NUP93: variants seen among roughly 807,000 people sequenced by gnomAD.
NUP93 encodes nucleoporin 93.
A neutral mutation model predicts 107.8 loss-of-function variants in NUP93; 55 were observed. The ratio of observed to expected loss-of-function variants is 0.51; its 90% CI spans 0.41 to 0.64. The LOEUF (loss-of-function observed/expected upper bound fraction) is 0.64, where lower values mean the gene tolerates loss of function less well. Among genes scored for constraint, NUP93 ranks in the 30% least tolerant of loss-of-function variants. The pLI is 0.00. For synonymous variants in NUP93, 390 were observed against 397.5 expected (o/e 0.98, Z 0.22); for missense variants, 937 against 1,044.7 (o/e 0.90, Z 1.42).
At chr16:56,815,298 G>T (rs185931691) in intron 5 of NUP93, among the ~76,000 whole-genome samples, 8 of 152,260 alleles carry the variant, frequency 5.3e-5, no homozygotes, top group Admixed American at 5.2e-4. Flanking sequence ...CCTGTAAAAA[G>T]ACTGTGGAAT....
intron 21 of NUP93, among the ~76,000 whole-genome samples, chr16:56,844,295 C>T (rs979138877): frequency 6.6e-6 from 1 of 152,002 alleles, no homozygotes; most frequent in Non-Finnish European, 1.5e-5. Context: ...ACAGAGGCCT[C>T]GGGGGACGAG....
intron 4 of NUP93, among the ~76,000 whole-genome samples, chr16:56,800,830 A>G (rs1405942279): frequency 1.3e-5 from 2 of 152,240 alleles, no homozygotes; most frequent in African/African-American, 4.8e-5. Context: ...GCAACAGTGC[A>G]GTAATAAACG....
chr16:56,834,551 G>A lies in NUP93; in HGVS notation c.1737+109G>A, dbSNP rs1418335227. On this transcript the variant is annotated intron_variant, in intron 15 of 21. Coordinates refer to ENST00000308159, the MANE Select transcript of NUP93 (RefSeq NM_014669.5). ...TATGGTTGTGGTGGATAAGGCCTAG[G>A]GAGTTTTTGGAGTTTCTTTGGTTTC... 1.1e-5 allele frequency: 13 copies of A among 1,194,536 alleles called. No homozygotes were observed. In the East Asian group the frequency reaches 2.9e-4, roughly 27 times the overall value. The allele number at this position is 1,194,536 out of a possible 1,614,324, so 74.0% of individuals were successfully genotyped here. A position where few individuals can be genotyped will look rare whatever the true frequency, so the allele number is the denominator to read the frequency against.
intron 8 of NUP93, among the ~76,000 whole-genome samples, chr16:56,824,594 A>G (rs888940721): frequency 6.6e-6 from 1 of 152,240 alleles, no homozygotes; most frequent in African/African-American, 2.4e-5. Context: ...AGTTGAATAC[A>G]CTTGCTAAAT....
chr16:56,811,932 A>T (rs1963324277), intron 5 of NUP93, among the ~76,000 whole-genome samples: 1 of 152,192 alleles, frequency 6.6e-6, no homozygotes, highest in African/African-American at 2.4e-5. Context: ...CAATCATTTT[A>T]ATATGGATCC....
intron 3 of NUP93, among the ~76,000 whole-genome samples, chr16:56,791,354 T>C (rs146873466): frequency 4.0e-4 from 61 of 152,364 alleles, no homozygotes; most frequent in African/African-American, 1.4e-3. Flanking sequence ...CAATCACTTA[T>C]CTGCTATAGG....
intron 4 of NUP93, among the ~76,000 whole-genome samples, chr16:56,805,120 C>T (rs1483382005): frequency 8.6e-5 from 13 of 151,960 alleles, no homozygotes; most frequent in African/African-American, 2.9e-4. Flanking sequence ...TGCAATGTTG[C>T]GATCACAGCT....
At chr16:56,733,526 G>A (rs1961566440) in intron 1 of NUP93, among the ~76,000 whole-genome samples, 1 of 152,146 alleles carries the variant, frequency 6.6e-6, no homozygotes, top group South Asian at 2.1e-4. Context: ...ATTGTTTTAC[G>A]AAAAGAGACT....
chr16:56,829,701 G>A (rs1447796193), intron 9 of NUP93, among the ~76,000 whole-genome samples: 2 of 152,192 alleles, frequency 1.3e-5, no homozygotes, highest in African/African-American at 2.4e-5. Context: ...ATGCATGGAG[G>A]CAGGAGAGAG....
chr16:56,808,713 A>G (rs1031397129), intron 5 of NUP93, among the ~76,000 whole-genome samples: 12 of 34,572 alleles, frequency 3.5e-4, no homozygotes, highest in Non-Finnish European at 3.0e-4. Context: ...AAATACATAT[A>G]TAAATATATA....
At chr16:56,794,690 A>C (rs1262549170) in intron 3 of NUP93, among the ~76,000 whole-genome samples, 1 of 151,916 alleles carries the variant, frequency 6.6e-6, no homozygotes, top group Non-Finnish European at 1.5e-5. Context: ...GCACTTTGGG[A>C]GGCCGAGGCG....
At chr16:56,740,804 A>C (rs1961721880) in intron 1 of NUP93, 1 of 161,144 alleles carries the variant, frequency 6.2e-6, no homozygotes, top group African/African-American at 2.4e-5. Context: ...TTGGCGGATC[A>C]CTCGCGGTTA....
chr16:56,840,684 T>C (rs1424045100), intron 20 of NUP93, among the ~76,000 whole-genome samples: 6 of 152,156 alleles, frequency 3.9e-5, no homozygotes, highest in African/African-American at 1.4e-4. Context: ...TTCTTCCTCA[T>C]TGAGCAGATG....
At chr16:56,763,765 C>T (rs1372853391) in intron 3 of NUP93, among the ~76,000 whole-genome samples, 2 of 151,538 alleles carry the variant, frequency 1.3e-5, no homozygotes, top group African/African-American at 4.9e-5. Flanking sequence ...TGTTCCCTTA[C>T]AAAGTAAATA....
In NUP93 at chr16:56,758,541, A is replaced by C. The variant is rs1962068933; in HGVS notation, c.183A>C (p.Ser61=). 6.2e-7 allele frequency: 1 copy of C among 1,612,480 alleles called. No homozygotes were observed. Among genetic ancestry groups the C allele is most frequent in the Non-Finnish European group, 8.5e-7 (1 of 1,178,594 alleles). The change falls in exon 3 of 22, where the codon TCA becomes TCC. Residue 61 remains serine (S), a synonymous_variant. Transcript: ENST00000308159. The stretch of plus-strand genomic sequence containing the variant: ...CCTATTCTATATCCTCACATAGGTC[A>C]GTTCTCCTCGGGTCTCGGGGACTTG... ...TSQETADVKA[S]VLLGSRGLDI...
intron 5 of NUP93, among the ~76,000 whole-genome samples, chr16:56,817,884 A>G (rs1312968386): frequency 6.6e-6 from 1 of 152,244 alleles, no homozygotes; most frequent in African/African-American, 2.4e-5. Context: ...AGTAGGCTAA[A>G]CCGTCTAGTG....
At chr16:56,786,686 G>A (rs569678722) in intron 3 of NUP93, among the ~76,000 whole-genome samples, 2 of 152,078 alleles carry the variant, frequency 1.3e-5, no homozygotes, top group Non-Finnish European at 2.9e-5. Context: ...GTGTTGGCTC[G>A]GCATGAACGG....
intron 3 of NUP93, among the ~76,000 whole-genome samples, chr16:56,784,636 A>G: frequency 6.6e-6 from 1 of 152,222 alleles, no homozygotes; most frequent in East Asian, 1.9e-4. Flanking sequence ...AAGGCTGAAT[A>G]ATTTTTATCT....
At chr16:56,756,317 T>A (rs1461809628) in intron 2 of NUP93, among the ~76,000 whole-genome samples, 1 of 59,228 alleles carries the variant, frequency 1.7e-5, no homozygotes. Flanking sequence ...CCCGACAGGC[T>A]CCTATGTGTG....
Sources: gnomAD v4.1 joint callset for allele counts (sites outside exome capture counted in the v4.1 genomes callset) on GRCh38, gnomAD v4.1.1 for gene constraint, MANE v1.5 for transcripts, NCBI Gene and HGNC (gene_info 2026-07-23, HGNC 2026-07-21) for gene names.